The following UPF2 variants were observed in gnomAD, a reference collection of about 807,000 sequenced individuals.
UPF2 encodes regulator of nonsense transcripts 2.
Under a neutral mutation model 141.4 loss-of-function variants are expected in UPF2, and 17 were observed. That is an observed-to-expected ratio of 0.12 (90% CI 0.08 to 0.18). The LOEUF is 0.18. UPF2 is among the 10% of genes least tolerant of loss of function. The pLI is 1.00. For missense variants in UPF2, 1,152 were observed against 1,515.9 expected (o/e 0.76, Z 3.99); for synonymous variants, 540 against 498.0 (o/e 1.08, Z -1.12).
chr10:12,035,216 T>C lies in UPF2; in HGVS notation c.208A>G (p.Lys70Glu). Residue 70 changes from lysine to glutamate, a missense_variant, in exon 2 of 22, where the codon AAG becomes GAG. Lys to Glu is a moderately conservative substitution (Grantham distance 56, BLOSUM62 1). Transcript: ENST00000357604. The stretch of plus-strand genomic sequence containing the variant: ...TCTTCGTCTTTTTTCTTGCGTTCCT[T>C]GTCTTCCTTTTTTCTCTTATCATCT... ...LEDDKRKKED[K>E]ERKKKDEEKV... The C allele has an allele frequency of 6.2e-7, 1 of 1,613,824 alleles. No homozygotes were observed. Among genetic ancestry groups the C allele is most frequent in the Non-Finnish European group, 8.5e-7 (1 of 1,179,996 alleles).
At chr10:12,024,224 A>G (rs1834368552) in intron 3 of UPF2, among the ~76,000 whole-genome samples, 1 of 152,002 alleles carries the variant, frequency 6.6e-6, no homozygotes, top group African/African-American at 2.4e-5. Flanking sequence ...TTGGGAGGCC[A>G]TGGCAGGAGG....
At chr10:11,978,448 T>C (rs754624954) in intron 9 of UPF2, among the ~76,000 whole-genome samples, 1 of 152,144 alleles carries the variant, frequency 6.6e-6, no homozygotes, top group Non-Finnish European at 1.5e-5. Flanking sequence ...CTGGGTAACA[T>C]GGGTTGGGAG....
intron 3 of UPF2, among the ~76,000 whole-genome samples, chr10:12,028,170 C>T (rs1339038167): frequency 6.6e-6 from 1 of 152,160 alleles, no homozygotes; most frequent in African/African-American, 2.4e-5. Flanking sequence ...CAGTACATTC[C>T]TCCTTTAGAA....
At position 11,953,862 on chromosome 10, in the gene UPF2, C is replaced by T. The variant is rs1007470271; in HGVS notation, c.2850+1370G>A. Among the ~76,000 whole-genome samples, 2 of 151,942 alleles carry T rather than the reference C, an allele frequency of 1.3e-5. No homozygotes were observed. Among genetic ancestry groups the T allele is most frequent in the African/African-American group, 4.8e-5 (2 of 41,386 alleles). The stretch of plus-strand genomic sequence containing the variant: ...GAGCAAGCTAACAGACCGCAATTCC[C>T]GAAGAATATTTACCCCCAACTTAAC... On this transcript the variant is annotated intron_variant, in intron 14 of 21. Coordinates refer to ENST00000357604, the MANE Select transcript of UPF2 (RefSeq NM_015542.4). This position sits in a 1 kb window ranked among gnomAD's most constrained non-coding sequence, Gnocchi z 5.0.
chr10:12,041,966 GGACCAAATATCCTGT>G (rs1218587245), intron 1 of UPF2, among the ~76,000 whole-genome samples: 2 of 152,074 alleles, frequency 1.3e-5, no homozygotes, highest in Non-Finnish European at 2.9e-5. Flanking sequence ...GCCAACCTGG[GGACCAAATATCCTGT>G]GATCACTTCC....
At chr10:11,971,403 C>T (rs1289698992) in intron 9 of UPF2, among the ~76,000 whole-genome samples, 2 of 152,054 alleles carry the variant, frequency 1.3e-5, no homozygotes, top group Admixed American at 6.5e-5. Context: ...TAAAGGCATA[C>T]GCCACCATGC....
At chr10:12,024,931 CAAAAA>C (rs61678431) in intron 3 of UPF2, among the ~76,000 whole-genome samples, 5 of 53,486 alleles carry the variant, frequency 9.3e-5, no homozygotes, top group African/African-American at 1.5e-4. Flanking sequence ...GACCCTGTTA[CAAAAA>C]AAAAAAAAAA....
At chr10:12,028,673 T>G in intron 3 of UPF2, 72 bp downstream of exon 3, 7 of 1,458,820 alleles carry the variant, frequency 4.8e-6, no homozygotes, top group Non-Finnish European at 6.4e-6. Context: ...TTCAGTGGCA[T>G]GAAGACTTTA....
At chr10:11,976,951 T>C (rs1004315062) in intron 9 of UPF2, among the ~76,000 whole-genome samples, 3 of 152,172 alleles carry the variant, frequency 2.0e-5, no homozygotes, top group African/African-American at 7.2e-5. Context: ...AACCAAGGCT[T>C]AGAACAGTTG....
intron 10 of UPF2, among the ~76,000 whole-genome samples, chr10:11,965,603 G>A (rs926508268): frequency 3.9e-5 from 6 of 152,070 alleles, no homozygotes; most frequent in Non-Finnish European, 7.4e-5. Flanking sequence ...GGGACTACAG[G>A]TGCCTGCCAC....
At chr10:11,999,810 T>C (rs747888948) in intron 7 of UPF2, 96 bp downstream of exon 7, 2 of 996,156 alleles carry the variant, frequency 2.0e-6, no homozygotes, top group Admixed American at 2.0e-5. Flanking sequence ...TGGTGGACTT[T>C]GTAGCTCAAA....
rs774941336 is a variant in UPF2, at chr10:11,999,959, C to T, written c.1705G>A (p.Asp569Asn). Residue 569 changes from aspartate (D) to asparagine (N), a missense_variant, in exon 7 of 22, where the codon GAT becomes AAT. Coordinates refer to ENST00000357604, the MANE Select transcript of UPF2 (RefSeq NM_015542.4). Reference protein sequence around the residue: ...STGSHLKLIVDAFLQQLPNCV... With the variant: ...STGSHLKLIVNAFLQQLPNCV... ...TTGGGTAACTGCTGTAGGAAAGCAT[C>T]TACTATGAGCTTGAGATGAGATCCA... 6.2e-7 allele frequency: 1 copy of T among 1,613,496 alleles called. No homozygotes were observed. Among genetic ancestry groups the T allele is most frequent in the South Asian group, 1.1e-5 (1 of 90,990 alleles).
intron 8 of UPF2, among the ~76,000 whole-genome samples, chr10:11,982,072 T>C (rs1365332169): frequency 6.6e-6 from 1 of 151,708 alleles, no homozygotes; most frequent in Non-Finnish European, 1.5e-5. Flanking sequence ...GAATATTTAA[T>C]GTTCTTACAT....
chr10:12,013,884 G>T (rs1834173744), intron 4 of UPF2, 140 bp downstream of exon 4: 1 of 808,660 alleles, frequency 1.2e-6, no homozygotes, highest in Non-Finnish European at 1.7e-6. Flanking sequence ...ACAGGCATGA[G>T]CCACCATGCT....
intron 2 of UPF2, 69 bp from the exon 3 acceptor site, chr10:12,029,593 G>C: frequency 2.7e-6 from 4 of 1,459,738 alleles, no homozygotes; most frequent in Non-Finnish European, 2.7e-6. Context: ...AATCCCCTAA[G>C]AGTAAAAAGC....
intron 20 of UPF2, among the ~76,000 whole-genome samples, chr10:11,930,385 C>T (rs1198338096): frequency 6.6e-6 from 1 of 152,178 alleles, no homozygotes; most frequent in Non-Finnish European, 1.5e-5. Context: ...AACAACAACA[C>T]TTATCTCAAA....
intron 5 of UPF2, among the ~76,000 whole-genome samples, chr10:12,003,901 G>C (rs1833991969): frequency 1.8e-5 from 2 of 111,104 alleles, no homozygotes; most frequent in Non-Finnish European, 3.5e-5. Context: ...CTCCAGCCTG[G>C]ACAAGAGCAA....
At chr10:11,966,550 G>A (rs527718550) in intron 10 of UPF2, among the ~76,000 whole-genome samples, 16 of 151,976 alleles carry the variant, frequency 1.1e-4, no homozygotes, top group African/African-American at 2.2e-4. Flanking sequence ...TCAGCCTCCC[G>A]AGTAGCTGGG....
At chr10:11,928,763 T>C (rs1832745435) in intron 21 of UPF2, 3 of 312,592 alleles carry the variant, frequency 9.6e-6, no homozygotes, top group South Asian at 2.6e-5. Flanking sequence ...AACATCTTCA[T>C]TTTCAAATTC....
Sources: gnomAD v4.1 joint callset for allele counts (sites outside exome capture counted in the v4.1 genomes callset) on GRCh38, gnomAD v4.1.1 for gene constraint, Gnocchi (gnomAD v3.1) non-coding constraint, MANE v1.5 for transcripts, NCBI Gene and HGNC (gene_info 2026-07-23, HGNC 2026-07-21) for gene names.